ERC1: variants seen among roughly 807,000 people sequenced by gnomAD.
ERC1 encodes the protein ELKS/RAB6-interacting/CAST family member 1.
A neutral mutation model predicts 132.0 loss-of-function variants in ERC1; 56 were observed. That is an observed-to-expected ratio of 0.42 (90% confidence interval 0.34 to 0.53). The LOEUF is 0.53. ERC1 is among the 20% of genes least tolerant of loss of function. The pLI, the probability that ERC1 is intolerant of heterozygous loss-of-function variation, is 0.03. For missense variants in ERC1, 1,202 were observed against 1,349.9 expected, an observed-to-expected ratio of 0.89 and a Z score of 1.72; for synonymous variants, 478 against 476.1, an observed-to-expected ratio of 1.00 and a Z score of -0.05.
chr12:1,128,184 C>G (rs1168378072), intron 7 of ERC1, among the ~76,000 whole-genome samples: 1 of 152,118 alleles, frequency 6.6e-6, no homozygotes, highest in African/African-American at 2.4e-5. Context: ...GTAATCTCCC[C>G]TGAACCAATA....
At chr12:1,164,798 T>G (rs1378891692) in intron 8 of ERC1, among the ~76,000 whole-genome samples, 1 of 152,138 alleles carries the variant, frequency 6.6e-6, no homozygotes, top group African/African-American at 2.4e-5. Context: ...AATAAAACAT[T>G]GGATAAGGGG....
chr12:1,206,751 A>T (rs1957384848), intron 12 of ERC1, among the ~76,000 whole-genome samples: 1 of 152,146 alleles, frequency 6.6e-6, no homozygotes, highest in Non-Finnish European at 1.5e-5. Context: ...CTCTATTCTC[A>T]TTAACACTTA....
chr12:1,120,779 T>G (rs900174940), intron 7 of ERC1, among the ~76,000 whole-genome samples: 10 of 152,202 alleles, frequency 6.6e-5, no homozygotes, highest in African/African-American at 2.4e-4. Context: ...AATCTATATC[T>G]TAGTAATAGT....
intron 3 of ERC1, among the ~76,000 whole-genome samples, chr12:1,101,949 GC>G (rs911881756): frequency 6.6e-6 from 1 of 152,034 alleles, no homozygotes; most frequent in Admixed American, 6.6e-5. Flanking sequence ...TTTCTAATTC[GC>G]ATAAAGTTAC....
intron 12 of ERC1, among the ~76,000 whole-genome samples, chr12:1,202,864 A>G (rs1302551627): frequency 6.6e-6 from 1 of 152,164 alleles, no homozygotes; most frequent in Non-Finnish European, 1.5e-5. Context: ...AATTATTTTG[A>G]CTTCCTGTGT....
intron 3 of ERC1, among the ~76,000 whole-genome samples, chr12:1,098,676 T>C (rs1944327463): frequency 6.6e-6 from 1 of 152,174 alleles, no homozygotes. Context: ...TTTTTTTTGA[T>C]AAAATAAGTG....
At chr12:1,109,827 C>A (rs971547965) in intron 4 of ERC1, among the ~76,000 whole-genome samples, 2 of 152,180 alleles carry the variant, frequency 1.3e-5, no homozygotes, top group African/African-American at 4.8e-5. Context: ...ACAGGTGTAT[C>A]ACGTGAGGTC....
chr12:1,205,379 G>T (rs193281885), intron 12 of ERC1, among the ~76,000 whole-genome samples: 235 of 145,950 alleles, frequency 1.6e-3, no homozygotes, highest in Admixed American at 3.7e-3. Context: ...GTGTGTGTGT[G>T]TATATATATA....
chr12:1,032,956 T>TC (rs1185363597), intron 2 of ERC1, among the ~76,000 whole-genome samples: 1 of 152,012 alleles, frequency 6.6e-6, no homozygotes, highest in Non-Finnish European at 1.5e-5. Context: ...CACTGCAACC[T>TC]CCATCTCCAG....
chr12:1,418,549 T>C lies in ERC1; in HGVS notation c.3024+10302T>C, dbSNP rs188186625. ...TCTTCATCATACACAGATTTCCTTCTTTTCTGAAGTCTTCATTTTCTTTCT... is the reference window on the plus strand; with the variant it reads ...TCTTCATCATACACAGATTTCCTTCCTTTCTGAAGTCTTCATTTTCTTTCT... On this transcript the variant is annotated intron_variant, in intron 17 of 18. Transcript: ENST00000360905. Among the ~76,000 whole-genome samples, 766 of 152,274 alleles carry C rather than the reference T, an allele frequency of 5.0e-3. 7 individuals are homozygous for C. The highest frequency in any genetic ancestry group is 9.0e-3 in the Non-Finnish European group (612 of 68,014).
intron 8 of ERC1, among the ~76,000 whole-genome samples, chr12:1,170,578 A>G (rs182499267): frequency 1.3e-5 from 2 of 152,294 alleles, no homozygotes; most frequent in East Asian, 1.9e-4. Context: ...CTTTTGAGCA[A>G]TTTTAGCACA....
At position 1,462,428 on chromosome 12, in the gene ERC1, A is replaced by G. The variant is rs184746553; in HGVS notation, c.3213+17678A>G. Among the ~76,000 whole-genome samples the G allele has an allele frequency of 4.9e-4, 75 of 152,338 alleles. 1 individual carries two copies. The East Asian group carries it at 0.012, about 25-fold the overall frequency. On this transcript the variant is annotated intron_variant, in intron 18 of 18. Coordinates refer to ENST00000360905, the MANE Select transcript of ERC1 (RefSeq NM_178040.4). ...AAAGTCCAAAAGTGGAAACAACCCA[A>G]ATGTCCATTAACAGGAGAATAGGTA... is the stretch of plus-strand genomic sequence containing the variant.
At chr12:1,145,072 A>G (rs925306827) in intron 8 of ERC1, among the ~76,000 whole-genome samples, 4 of 151,920 alleles carry the variant, frequency 2.6e-5, no homozygotes, top group Non-Finnish European at 4.4e-5. Context: ...GCTGGAGTGA[A>G]GTGGTGCAAT....
intron 11 of ERC1, among the ~76,000 whole-genome samples, chr12:1,185,731 G>T (rs111355822): frequency 0.021 from 2,679 of 127,686 alleles, 39 homozygotes; most frequent in African/African-American, 0.059. Context: ...ACTCTAGGTT[G>T]TTTTTTTTTT....
chr12:1,281,772 CATTA>C (rs1053327500), intron 14 of ERC1, among the ~76,000 whole-genome samples: 9 of 152,226 alleles, frequency 5.9e-5, no homozygotes, highest in Admixed American at 3.3e-4. Context: ...GTTTTCAGGG[CATTA>C]ATTCAGGTAT....
chr12:1,011,903 C>T (rs1005087972), intron 1 of ERC1, among the ~76,000 whole-genome samples: 1 of 151,980 alleles, frequency 6.6e-6, no homozygotes, highest in Non-Finnish European at 1.5e-5. Flanking sequence ...GCGGAGATCA[C>T]CCCACTGCAC....
chr12:1,114,964 A>G (rs1222499802), intron 6 of ERC1, among the ~76,000 whole-genome samples: 1 of 152,218 alleles, frequency 6.6e-6, no homozygotes, highest in Non-Finnish European at 1.5e-5. Context: ...TATCCCTTAT[A>G]CCTAAGATTA....
intron 7 of ERC1, among the ~76,000 whole-genome samples, chr12:1,120,822 CAGG>C (rs1947002709): frequency 6.6e-6 from 1 of 151,996 alleles, no homozygotes; most frequent in African/African-American, 2.4e-5. Context: ...CGGAGGTGCT[CAGG>C]AGATCAGCAT....
At chr12:1,406,013 A>G (rs530752280) in intron 16 of ERC1, among the ~76,000 whole-genome samples, 2 of 152,360 alleles carry the variant, frequency 1.3e-5, no homozygotes, top group African/African-American at 4.8e-5. Context: ...TTAGAATACT[A>G]TTTAATGACA....
Sources: gnomAD v4.1 joint callset for allele counts (sites outside exome capture counted in the v4.1 genomes callset) on GRCh38, gnomAD v4.1.1 for gene constraint, MANE v1.5 for transcripts, NCBI Gene and HGNC (gene_info 2026-07-23, HGNC 2026-07-21) for gene names.